Variants in RAD51D observed in about 807,000 individuals in gnomAD.
The protein encoded by RAD51D is DNA repair protein RAD51 homolog 4.
In RAD51D, 38 loss-of-function variants were observed where a neutral mutation model predicts 44.1. The observed-to-expected ratio is 0.86, with a 90% CI of 0.67 to 1.13. The LOEUF (loss-of-function observed/expected upper bound fraction) is 1.13, where lower values mean the gene tolerates loss of function less well. Among genes scored for constraint, RAD51D ranks in the 50% most tolerant of loss-of-function variants. RAD51D has a pLI of 0.00. For missense variants in RAD51D, 390 were observed against 414.0 expected (o/e 0.94, Z 0.50); for synonymous variants, 141 against 166.6 (o/e 0.85, Z 1.18).
chr17:35,101,859 G>C (rs1022344225), intron 8 of RAD51D, among the ~76,000 whole-genome samples: 8 of 152,188 alleles, frequency 5.3e-5, no homozygotes, highest in Admixed American at 4.6e-4. Context: ...AAAAAGCATA[G>C]ATACAGAAAG....
intron 4 of RAD51D, 104 bp from the exon 5 acceptor site, chr17:35,107,226 C>G (rs762410214): frequency 4.7e-6 from 7 of 1,498,760 alleles, no homozygotes; most frequent in Non-Finnish European, 6.5e-6. Context: ...TGGGCTGAGT[C>G]CCGACCCCAT....
Position 35,101,376 on chromosome 17 carries a change from A to G in RAD51D, c.739-11T>C. On this transcript the variant is annotated splice_polypyrimidine_tract_variant and intron_variant, in intron 8 of 9. Coordinates refer to ENST00000345365, the MANE Select transcript of RAD51D (RefSeq NM_002878.4). ...TATGTGGTTGGTCACCTGCAGCAGAAACAGACTTACAGATCCATAATGCTA... is the reference window on the plus strand; with the variant it reads ...TATGTGGTTGGTCACCTGCAGCAGAGACAGACTTACAGATCCATAATGCTA... 6.2e-7 allele frequency: 1 copy of G among 1,612,940 alleles called. No homozygotes were observed. Among genetic ancestry groups the G allele is most frequent in the Non-Finnish European group, 8.5e-7 (1 of 1,179,856 alleles).
intron 3 of RAD51D, among the ~76,000 whole-genome samples, chr17:35,116,118 G>C (rs564464858): frequency 1.3e-5 from 2 of 151,678 alleles, no homozygotes; most frequent in East Asian, 3.9e-4. Context: ...TGGTGAGTCA[G>C]CTTTGATTCT....
At chr17:35,116,003 A>AAGAAAGAAAGAG (rs1567733763) in intron 3 of RAD51D, among the ~76,000 whole-genome samples, 4 of 151,572 alleles carry the variant, frequency 2.6e-5, no homozygotes, top group South Asian at 4.2e-4. Context: ...GAAAGAAAGA[A>AAGAAAGAAAGAG]AGAAAGAAAG....
At chr17:35,105,062 T>C (rs183848485) in intron 6 of RAD51D, 26 of 152,304 alleles carry the variant, frequency 1.7e-4, no homozygotes, top group African/African-American at 5.8e-4. Context: ...ATAGAAGATA[T>C]ATCATCTAAT....
chr17:35,112,941 G>A (rs568121866), intron 3 of RAD51D, among the ~76,000 whole-genome samples: 1 of 152,318 alleles, frequency 6.6e-6, no homozygotes, highest in East Asian at 1.9e-4. Flanking sequence ...AGAAAAATGA[G>A]TAACAGAAAG....
rs876660008 is a variant in RAD51D at position 35,119,138 on chromosome 17, T to C, written c.117A>G (p.Val39=). 6.2e-7 allele frequency: 1 copy of C among 1,613,968 alleles called. No individual in the cohort carries two copies. Among genetic ancestry groups the C allele is most frequent in the South Asian group, 1.1e-5 (1 of 91,088 alleles). ...VDLVSADLEE[V]AQKCGLSYKA... ...TGTAAGACAAGCCACATTTCTGAGC[T>C]ACCTCTTCCAGGTCTGCAGAAACCA... is the stretch of plus-strand genomic sequence containing the variant. Residue 39 remains valine, a synonymous_variant, in exon 2 of 10, where the codon GTA becomes GTG. Transcript: ENST00000345365.
rs774990963 is a variant in RAD51D at position 35,097,747 on chromosome 17, A to T, written c.*3206T>A. 1 of 152,160 alleles carries T rather than the reference A, an allele frequency of 6.6e-6. No individual in the cohort carries two copies. Among genetic ancestry groups the T allele is most frequent in the African/African-American group, 2.4e-5 (1 of 41,442 alleles). 9.4% of individuals were successfully genotyped at this position (152,160 alleles called of 1,614,324 possible). ...AATGTATAAAGAGAAAAAGTGACAA[A>T]AAGTGGGAGCCTGTAGGCAGACACG... On this transcript the variant is annotated 3_prime_UTR_variant, in exon 10 of 10. Coordinates refer to ENST00000345365, the MANE Select transcript of RAD51D (RefSeq NM_002878.4).
Position 35,103,307 on chromosome 17 carries a change from GCAT to G in RAD51D, c.682_684del (p.Met228del). ...AGGGTCTTCAGCTCTCGGGCCAGCT[GCAT>G]CATCAAGGCCAAGCCTGCAGGAGGA... On this transcript the variant is annotated inframe_deletion, in exon 8 of 10. Transcript: ENST00000345365. The surrounding 1 kb of genome is among the most constrained non-coding windows in gnomAD (Gnocchi z 4.1). 6.2e-7 allele frequency: 1 copy of G among 1,612,118 alleles called. No individual in the cohort carries two copies. The highest frequency in any genetic ancestry group is 8.5e-7 in the Non-Finnish European group (1 of 1,179,222).
intron 3 of RAD51D, among the ~76,000 whole-genome samples, chr17:35,112,653 C>T (rs2091691972): frequency 6.6e-6 from 1 of 152,208 alleles, no homozygotes; most frequent in South Asian, 2.1e-4. Context: ...GCTGGGATTA[C>T]AGGCATGAGC....
intron 3 of RAD51D, chr17:35,116,947 G>A: frequency 3.1e-6 from 5 of 1,613,572 alleles, no homozygotes; most frequent in Non-Finnish European, 4.2e-6. Context: ...GCCTTCTTCA[G>A]AGCATTCCTG....
chr17:35,103,402 C>G lies in RAD51D; in HGVS notation c.667+52G>C, dbSNP rs2142419621. The G allele has an allele frequency of 1.2e-6, 2 of 1,609,688 alleles. No homozygotes were observed. Among genetic ancestry groups the G allele is most frequent in the Non-Finnish European group, 1.7e-6 (2 of 1,175,906 alleles). On this transcript the variant is annotated intron_variant, in intron 7 of 9. Transcript: ENST00000345365. This position sits in a 1 kb window ranked among gnomAD's most constrained non-coding sequence, Gnocchi z 4.1. ...GCTGGCCAGAGACCAGACTCCAGAG[C>G]TGGGAGGCGAGGTCACATTCCACTG...
intron 3 of RAD51D, among the ~76,000 whole-genome samples, chr17:35,118,161 G>T (rs1272635163): frequency 6.6e-6 from 1 of 152,222 alleles, no homozygotes; most frequent in Admixed American, 6.5e-5. Context: ...ATTTAGCCAT[G>T]TCAGGAGACA....
At chr17:35,104,465 T>G (rs1567726977) in intron 6 of RAD51D, among the ~76,000 whole-genome samples, 4 of 152,344 alleles carry the variant, frequency 2.6e-5, no homozygotes, top group African/African-American at 4.8e-5. Context: ...AACCTCTGCC[T>G]CCTCGGTTCA....
intron 3 of RAD51D, among the ~76,000 whole-genome samples, chr17:35,112,448 G>A (rs530328280): frequency 6.6e-6 from 1 of 151,958 alleles, no homozygotes; most frequent in African/African-American, 2.4e-5. Flanking sequence ...CACAATATCC[G>A]CTCACTGTAA....
At chr17:35,101,146 T>A in intron 9 of RAD51D, 55 bp downstream of exon 9, 8 of 1,613,684 alleles carry the variant, frequency 5.0e-6, no homozygotes, top group Non-Finnish European at 5.9e-6. Flanking sequence ...TCTGTGGGTA[T>A]GGAAACCACC....
chr17:35,117,320 G>GA (rs1196104606), intron 3 of RAD51D, among the ~76,000 whole-genome samples: 1 of 152,232 alleles, frequency 6.6e-6, no homozygotes, highest in Non-Finnish European at 1.5e-5. Context: ...CCTGCCAAGA[G>GA]AATGTGTTAA....
chr17:35,107,737 CTTTTTTTTTTTTTTT>C (rs34531142), intron 3 of RAD51D, among the ~76,000 whole-genome samples: 14 of 94,006 alleles, frequency 1.5e-4, no homozygotes, highest in East Asian at 4.3e-4. Context: ...TGTGGGTTTC[CTTTTTTTTTTTTTTT>C]TTTTTTTTTT....
At chr17:35,117,018 C>T (rs759954711) in intron 3 of RAD51D, 3 of 1,613,312 alleles carry the variant, frequency 1.9e-6, no homozygotes, top group South Asian at 1.1e-5. Context: ...CAGGTTCCCA[C>T]TTGAGTGCGC....
Sources: gnomAD v4.1 joint callset for allele counts (sites outside exome capture counted in the v4.1 genomes callset) on GRCh38, gnomAD v4.1.1 for gene constraint, Gnocchi (gnomAD v3.1) non-coding constraint, MANE v1.5 for transcripts, NCBI Gene and HGNC (gene_info 2026-07-23, HGNC 2026-07-21) for gene names.